The following RNF144A variants were observed in gnomAD, a reference collection of about 807,000 sequenced individuals.
RNF144A encodes the protein E3 ubiquitin-protein ligase RNF144A.
In RNF144A, 11 loss-of-function variants were observed where a neutral mutation model predicts 38.7. The observed-to-expected ratio is 0.28, with a 90% CI of 0.18 to 0.47. The LOEUF (loss-of-function observed/expected upper bound fraction) is 0.47. RNF144A is among the 20% of genes least tolerant of loss of function. RNF144A has a pLI of 0.99. For synonymous variants in RNF144A, 149 were observed against 143.9 expected (o/e 1.04, Z -0.25); for missense variants, 316 against 377.2 (o/e 0.84, Z 1.34).
intron 2 of RNF144A, 66 bp from the exon 3 acceptor site, chr2:6,996,850 C>G (rs11689407): frequency 6.5e-7 from 1 of 1,537,530 alleles, no homozygotes; most frequent in African/African-American, 1.4e-5. Context: ...CCAGGAGAAC[C>G]TTGCCACGGA....
chr2:7,005,005 T>C (rs1464158810), intron 3 of RNF144A, among the ~76,000 whole-genome samples: 1 of 152,220 alleles, frequency 6.6e-6, no homozygotes, highest in Non-Finnish European at 1.5e-5. Flanking sequence ...AGTCTTATTT[T>C]TACAATTATA....
At position 6,996,978 on chromosome 2, in the gene RNF144A, G is replaced by A. The variant is rs1283870292; in HGVS notation, c.52G>A (p.Val18Met). 5.0e-6 allele frequency: 8 copies of A among 1,614,024 alleles called. No individual in the cohort carries two copies. Among genetic ancestry groups the A allele is most frequent in the Middle Eastern group, 1.6e-4 (1 of 6,076 alleles). Reference protein sequence around the residue: ...PTWDLALDPLVSCKLCLGEYP... With the variant: ...PTWDLALDPLMSCKLCLGEYP... ...CTGGGACCTGGCCCTCGACCCGCTG[G>A]TGTCTTGCAAGCTCTGTCTTGGGGA... Residue 18 changes from valine (V) to methionine (M), a missense_variant, in exon 3 of 9, where the codon GTG becomes ATG. By Grantham distance (21) the Val-to-Met change is conservative. Coordinates refer to ENST00000320892, the MANE Select transcript of RNF144A (RefSeq NM_014746.6).
the RNF144A span, among the ~76,000 whole-genome samples, chr2:7,074,352 C>T: frequency 6.6e-6 from 1 of 152,316 alleles, no homozygotes; most frequent in East Asian, 1.9e-4. Flanking sequence ...TAACTCCACC[C>T]TACACCCTAG....
intron 1 of RNF144A, among the ~76,000 whole-genome samples, chr2:6,938,234 CT>C (rs1405840534): frequency 6.7e-5 from 9 of 133,400 alleles, no homozygotes; most frequent in Middle Eastern, 4.1e-3. Context: ...TCCCCTCCCC[CT>C]CTCCCCTCCC....
chr2:6,993,412 C>T (rs1669521512), intron 2 of RNF144A, among the ~76,000 whole-genome samples: 1 of 152,162 alleles, frequency 6.6e-6, no homozygotes, highest in Non-Finnish European at 1.5e-5. Flanking sequence ...ACCCTGTACG[C>T]TGTGCCAGGA....
intron 2 of RNF144A, among the ~76,000 whole-genome samples, chr2:6,990,098 A>G (rs1227835899): frequency 6.6e-6 from 1 of 152,170 alleles, no homozygotes; most frequent in Non-Finnish European, 1.5e-5. Flanking sequence ...GGCTGCTGTA[A>G]CAGAATACCA....
Position 6,997,032 on chromosome 2 carries a change from G to A in RNF144A, c.106G>A (p.Ala36Thr), listed in dbSNP as rs1320205788. The change falls in exon 3 of 9, where the codon GCC (alanine) becomes ACC (threonine). Residue 36 changes from alanine to threonine, a missense_variant. Coordinates refer to ENST00000320892, the MANE Select transcript of RNF144A (RefSeq NM_014746.6). ...CCCAGTGGAGCAGATGACAACCATA[G>A]CCCAGTGCCAATGCATCTTCTGTAC... ...EYPVEQMTTIAQCQCIFCTLC... is the reference protein window; with the variant it reads ...EYPVEQMTTITQCQCIFCTLC... 3 of 1,614,088 alleles carry A rather than the reference G, an allele frequency of 1.9e-6. No individual in the cohort carries two copies. The highest frequency in any genetic ancestry group is 2.7e-5 in the African/African-American group (2 of 74,946).
intron 1 of RNF144A, among the ~76,000 whole-genome samples, chr2:6,936,881 C>T (rs1307741727): frequency 1.2e-5 from 1 of 84,318 alleles, no homozygotes; most frequent in Non-Finnish European, 3.1e-5. Context: ...GTGTGTGTCA[C>T]TGAGGGCCAG....
chr2:7,070,716 A>G (rs2103485774), downstream of RNF144A, among the ~76,000 whole-genome samples: 1 of 152,266 alleles, frequency 6.6e-6, no homozygotes, highest in East Asian at 1.9e-4. Context: ...ATGCACTGAG[A>G]GCACGCCATA....
chr2:6,968,943 C>T lies in RNF144A; in HGVS notation c.-12+27796C>T, dbSNP rs757340163. On this transcript the variant is annotated intron_variant, in intron 2 of 8. Coordinates refer to ENST00000320892, the MANE Select transcript of RNF144A (RefSeq NM_014746.6). ...GGTTCCTGCTGGTCAGATGAGGTCT[C>T]GGGCTCAGAGCCGCACCTCAAGAGC... 1.2e-4 allele frequency among the ~76,000 whole-genome samples: 18 copies of T among 152,248 alleles called. No homozygotes were observed. In the East Asian group the frequency reaches 3.1e-3, roughly 26 times the overall value.
chr2:7,035,446 T>C (rs1453010914), intron 8 of RNF144A, among the ~76,000 whole-genome samples: 1 of 152,234 alleles, frequency 6.6e-6, no homozygotes, highest in Non-Finnish European at 1.5e-5. Flanking sequence ...ACTAAAGTCC[T>C]CATCTTGACC....
At chr2:6,927,044 A>G (rs1395103851) in intron 1 of RNF144A, among the ~76,000 whole-genome samples, 2 of 152,214 alleles carry the variant, frequency 1.3e-5, no homozygotes, top group Non-Finnish European at 2.9e-5. Context: ...GTTTCACTGT[A>G]GTAAAAACAA....
chr2:6,937,900 G>A (rs771302), intron 1 of RNF144A, among the ~76,000 whole-genome samples: 27,374 of 152,194 alleles, frequency 0.18, 2,950 homozygotes, highest in Non-Finnish European at 0.24. Flanking sequence ...GAGCAGTAAC[G>A]AGGGAATATC....
chr2:6,923,827 G>T (rs1032594215), intron 1 of RNF144A, among the ~76,000 whole-genome samples: 10 of 150,766 alleles, frequency 6.6e-5, no homozygotes, highest in Admixed American at 6.6e-4. Flanking sequence ...CTGTAGTTGC[G>T]TTTAAAACTC....
At chr2:6,922,502 C>G (rs1369594020) in intron 1 of RNF144A, among the ~76,000 whole-genome samples, 1 of 152,080 alleles carries the variant, frequency 6.6e-6, no homozygotes, top group Non-Finnish European at 1.5e-5. Context: ...TGGAGCAGGG[C>G]ATGTTTATTG....
intron 6 of RNF144A, among the ~76,000 whole-genome samples, chr2:7,050,669 G>A (rs1011662622): frequency 3.9e-5 from 6 of 152,110 alleles, no homozygotes; most frequent in African/African-American, 7.2e-5. Context: ...ATTCTTCACC[G>A]TTGCCTATAT....
At chr2:7,054,267 G>A (rs1194007351) in intron 6 of RNF144A, among the ~76,000 whole-genome samples, 5 of 152,184 alleles carry the variant, frequency 3.3e-5, no homozygotes, top group African/African-American at 9.7e-5. Context: ...CTACGGCCCC[G>A]CAAGTGTTCT....
At chr2:6,952,650 T>G (rs564805772) in intron 2 of RNF144A, among the ~76,000 whole-genome samples, 209 of 150,888 alleles carry the variant, frequency 1.4e-3, no homozygotes, top group Middle Eastern at 0.011. Flanking sequence ...TATATATAAC[T>G]TAAGAAAAAA....
intron 1 of RNF144A, among the ~76,000 whole-genome samples, chr2:6,928,830 T>C (rs531348974): frequency 5.0e-4 from 76 of 152,370 alleles, no homozygotes; most frequent in African/African-American, 1.7e-3. Context: ...TTTCCTGCAT[T>C]CCCAGTGTCT....
Sources: allele counts gnomAD v4.1 joint callset (sites outside exome capture counted in the v4.1 genomes callset), GRCh38; gene constraint gnomAD v4.1.1; transcripts MANE v1.5; gene names NCBI Gene and HGNC (gene_info 2026-07-23, HGNC 2026-07-21).